Variants in TTLL11 observed in about 807,000 individuals in gnomAD.
The protein encoded by TTLL11 is tubulin polyglutamylase TTLL11.
A neutral mutation model predicts 51.7 loss-of-function variants in TTLL11; 42 were observed. The observed-to-expected ratio is 0.81, with a 90% confidence interval of 0.64 to 1.05. TTLL11 has a LOEUF of 1.05. TTLL11 is among the 50% of genes least tolerant of loss of function. TTLL11 has a pLI of 0.00. For synonymous variants in TTLL11, 381 were observed against 383.5 expected (o/e 0.99, Z 0.08); for missense variants, 799 against 940.4 (o/e 0.85, Z 1.97).
At chr9:121,909,034 C>A (rs1840028289) in intron 6 of TTLL11, among the ~76,000 whole-genome samples, 1 of 152,200 alleles carries the variant, frequency 6.6e-6, no homozygotes, top group Non-Finnish European at 1.5e-5. Flanking sequence ...TTCATTCATT[C>A]TTCCATTCAA....
intron 6 of TTLL11, among the ~76,000 whole-genome samples, chr9:121,944,231 G>A (rs895028321): frequency 6.6e-6 from 1 of 152,204 alleles, no homozygotes; most frequent in Admixed American, 6.5e-5. Flanking sequence ...TTCCGGGCCT[G>A]GTGCGGTGGC....
intron 4 of TTLL11, among the ~76,000 whole-genome samples, chr9:121,979,185 AAGGAACT>A (rs572249820): frequency 4.2e-4 from 64 of 152,274 alleles, no homozygotes; most frequent in Admixed American, 2.2e-3. Flanking sequence ...CCCAGGTGGC[AAGGAACT>A]GATTTCTCCA....
At chr9:121,892,187 C>CAT (rs1484443698) in intron 6 of TTLL11, among the ~76,000 whole-genome samples, 1 of 110,946 alleles carries the variant, frequency 9.0e-6, no homozygotes, top group Non-Finnish European at 1.9e-5. Flanking sequence ...TATACACACA[C>CAT]ATATATATAC....
rs143996003 is a variant in TTLL11, at chr9:122,018,214, G to A, written c.693+13509C>T. Reference sequence around the variant, plus strand: ...TGCAAGCTCTACCTCCTGGGTTCACGTCATTCTTCTGCCTCAGCCTCCCGA... The same window carrying A: ...TGCAAGCTCTACCTCCTGGGTTCACATCATTCTTCTGCCTCAGCCTCCCGA... On this transcript the variant is annotated intron_variant, in intron 3 of 8. Transcript: ENST00000321582. 2.2e-3 allele frequency among the ~76,000 whole-genome samples: 328 copies of A among 149,260 alleles called. 2 individuals carry two copies. Among genetic ancestry groups the A allele is most frequent in the African/African-American group, 7.6e-3 (308 of 40,318 alleles).
intron 6 of TTLL11, among the ~76,000 whole-genome samples, chr9:121,935,871 G>A (rs931240613): frequency 2.0e-5 from 3 of 152,206 alleles, no homozygotes; most frequent in African/African-American, 7.2e-5. Flanking sequence ...AGAGCACAGA[G>A]CCTCGCTCGG....
chr9:121,899,358 T>TATATAC (rs1839661143), intron 6 of TTLL11, among the ~76,000 whole-genome samples: 1 of 100,922 alleles, frequency 9.9e-6, no homozygotes, highest in Admixed American at 1.3e-4. Context: ...TGTGTGTATG[T>TATATAC]GTGTGTGTAT....
chr9:121,923,596 A>G (rs185441188), intron 6 of TTLL11, among the ~76,000 whole-genome samples: 8 of 152,286 alleles, frequency 5.3e-5, no homozygotes, highest in African/African-American at 1.9e-4. Flanking sequence ...TTTAAAAACC[A>G]TATTCATCTT....
rs1382656357 is a variant in TTLL11, at chr9:121,834,346, A to G, written c.1841-11467T>C. ...TCCCAGGGAGAAGGCATTCAGCTCCATGAATAGGGACAGGGACTCAGATGA... is the reference window on the plus strand; with the variant it reads ...TCCCAGGGAGAAGGCATTCAGCTCCGTGAATAGGGACAGGGACTCAGATGA... On this transcript the variant is annotated intron_variant, in intron 8 of 8. Transcript: ENST00000321582. Among the ~76,000 whole-genome samples the G allele has an allele frequency of 2.6e-5, 4 of 152,188 alleles. No individual in the cohort carries two copies. The East Asian group carries it at 7.7e-4, about 29-fold the overall frequency.
intron 6 of TTLL11, among the ~76,000 whole-genome samples, chr9:121,973,802 G>A (rs4534187): frequency 0.37 from 56,326 of 151,982 alleles, 11,316 homozygotes; most frequent in East Asian, 0.67. Flanking sequence ...ATTCATCAAC[G>A]GAAGCCTATT....
chr9:122,029,264 CCTT>C (rs1844450994), intron 3 of TTLL11, among the ~76,000 whole-genome samples: 1 of 152,056 alleles, frequency 6.6e-6, no homozygotes, highest in African/African-American at 2.4e-5. Context: ...AGAGTGTACT[CCTT>C]CTACTTCTAA....
Position 121,860,387 on chromosome 9 carries a change from A to C in TTLL11, c.1790T>G (p.Ile597Ser), listed in dbSNP as rs961438669. 1 of 1,551,294 alleles carries C rather than the reference A, an allele frequency of 6.4e-7. No homozygotes were observed. The highest frequency in any genetic ancestry group is 1.4e-5 in the African/African-American group (1 of 73,008). Residue 597 changes from isoleucine to serine, a missense_variant, in exon 8 of 9, where the codon ATT becomes AGT. Around this residue, in one of 3 missense-constraint regions of TTLL11, gnomAD observed 165 missense variants for 166.1 expected, o/e 0.99. Coordinates refer to ENST00000321582, the MANE Select transcript of TTLL11 (RefSeq NM_001139442.2). Reference protein sequence around the residue: ...LSMAAVDILYIDITRRWNSMT... With the variant: ...LSMAAVDILYSDITRRWNSMT... ...GGAGTTCCACCTCCGTGTGATGTCAATGTAGAGGATGTCCACGGCAGCCAT... is the reference window on the plus strand; with the variant it reads ...GGAGTTCCACCTCCGTGTGATGTCACTGTAGAGGATGTCCACGGCAGCCAT...
intron 6 of TTLL11, among the ~76,000 whole-genome samples, chr9:121,873,831 CTTTTTTTTTTTT>C (rs71508142): frequency 1.0e-4 from 8 of 77,396 alleles, no homozygotes; most frequent in African/African-American, 4.7e-4. Flanking sequence ...ATTAGCCTGA[CTTTTTTTTTTTT>C]TTTTTTTTTT....
chr9:121,941,974 A>T (rs1841490747), intron 6 of TTLL11, among the ~76,000 whole-genome samples: 1 of 152,088 alleles, frequency 6.6e-6, no homozygotes, highest in African/African-American at 2.4e-5. Context: ...TCAAGCCATC[A>T]CCATGCCTCC....
At chr9:121,916,411 G>T (rs925306442) in intron 6 of TTLL11, among the ~76,000 whole-genome samples, 3 of 152,048 alleles carry the variant, frequency 2.0e-5, no homozygotes, top group Admixed American at 2.0e-4. Flanking sequence ...TGGGGTTGAG[G>T]GATAAGCTGA....
intron 6 of TTLL11, among the ~76,000 whole-genome samples, chr9:121,962,714 C>T (rs553011572): frequency 6.6e-6 from 1 of 152,340 alleles, no homozygotes; most frequent in South Asian, 2.1e-4. Context: ...TCTCTCTTGT[C>T]TCATGTGAGA....
In TTLL11 at chr9:121,890,153, C is replaced by A. The variant is rs980122959; in HGVS notation, c.1482-19405G>T. Among the ~76,000 whole-genome samples the A allele has an allele frequency of 6.6e-6, 1 of 152,026 alleles. No individual in the cohort carries two copies. The highest frequency in any genetic ancestry group is 6.5e-5 in the Admixed American group (1 of 15,272). On this transcript the variant is annotated intron_variant, in intron 6 of 8. Transcript: ENST00000321582. This position sits in a 1 kb window ranked among gnomAD's most constrained non-coding sequence, Gnocchi z 4.3. ...ACTTTTCAGTTAGTCATTTTTCTAC[C>A]CCAATTCTGAGCCTCCAGCTTTGTT...
chr9:121,988,961 T>C, intron 4 of TTLL11: 1 of 900,666 alleles, frequency 1.1e-6, no homozygotes, highest in African/African-American at 1.7e-5. Flanking sequence ...AAGATAGGTA[T>C]TCTTCATTTC....
intron 1 of TTLL11, among the ~76,000 whole-genome samples, chr9:122,076,231 T>C (rs925447761): frequency 1.3e-5 from 2 of 152,218 alleles, no homozygotes; most frequent in Admixed American, 1.3e-4. Flanking sequence ...CTTCAAGCCG[T>C]CTGTAAGCCA....
intron 6 of TTLL11, among the ~76,000 whole-genome samples, chr9:121,933,797 G>C (rs146641360): frequency 1.3e-5 from 2 of 152,336 alleles, no homozygotes; most frequent in African/African-American, 4.8e-5. Context: ...GGTCTGCTGT[G>C]ATATGTTGGG....
Sources: gnomAD v4.1 joint callset for allele counts (sites outside exome capture counted in the v4.1 genomes callset) on GRCh38, gnomAD v4.1.1 for gene constraint, gnomAD v4.1.1 regional missense constraint, Gnocchi (gnomAD v3.1) non-coding constraint, MANE v1.5 for transcripts, NCBI Gene and HGNC (gene_info 2026-07-23, HGNC 2026-07-21) for gene names.